Variants in SPATA13 observed in about 807,000 individuals in gnomAD.
The protein encoded by SPATA13 is spermatogenesis associated 13, also known as spermatogenesis-associated protein 13.
A neutral mutation model predicts 104.0 loss-of-function variants in SPATA13; 50 were observed. The observed-to-expected ratio is 0.48, with a 90% CI of 0.38 to 0.61. The LOEUF (loss-of-function observed/expected upper bound fraction) is 0.61. Among genes scored for constraint, SPATA13 ranks in the 20% least tolerant of loss-of-function variants. The probability of loss-of-function intolerance (pLI) is 0.00; values close to 1 mark genes in which losing one functional copy is unlikely to be tolerated. For missense variants in SPATA13, 1,524 were observed against 1,690.6 expected (o/e 0.90, Z 1.73); for synonymous variants, 606 against 667.5 (o/e 0.91, Z 1.42).
At chr13:24,255,172 T>G (rs1343287707) in intron 4 of SPATA13, among the ~76,000 whole-genome samples, 1 of 152,186 alleles carries the variant, frequency 6.6e-6, no homozygotes, top group Non-Finnish European at 1.5e-5. Flanking sequence ...TGCTTACATT[T>G]GCCGCCGGGA....
intron 3 of SPATA13, among the ~76,000 whole-genome samples, chr13:24,027,008 G>A (rs1024876384): frequency 2.0e-5 from 3 of 151,876 alleles, no homozygotes; most frequent in Admixed American, 2.0e-4. Context: ...TTCTAGAAAT[G>A]TGTACATTTT....
intron 12 of SPATA13, 34 bp downstream of exon 12, chr13:24,300,509 C>T: frequency 6.3e-7 from 1 of 1,591,958 alleles, no homozygotes; most frequent in Non-Finnish European, 8.6e-7. Flanking sequence ...CCCCTTAATG[C>T]TTATCAGTAT....
At chr13:24,052,035 G>T (rs1257498835) in intron 3 of SPATA13, among the ~76,000 whole-genome samples, 3 of 151,974 alleles carry the variant, frequency 2.0e-5, no homozygotes, top group Admixed American at 6.5e-5. Flanking sequence ...CTACCAGCTG[G>T]TGAGGAGTCC....
intron 3 of SPATA13, among the ~76,000 whole-genome samples, chr13:24,139,791 G>T (rs1320992576): frequency 1.3e-5 from 2 of 152,122 alleles, no homozygotes; most frequent in Non-Finnish European, 2.9e-5. Context: ...ATGCAGGCCG[G>T]GCGCGGTGGC....
At chr13:24,096,414 G>A (rs1232590954) in intron 3 of SPATA13, among the ~76,000 whole-genome samples, 2 of 152,008 alleles carry the variant, frequency 1.3e-5, no homozygotes, top group Admixed American at 1.3e-4. Context: ...TGGCCAACAT[G>A]GCAAAACCCT....
chr13:24,148,920 G>A (rs905102220), intron 3 of SPATA13, among the ~76,000 whole-genome samples: 3 of 150,418 alleles, frequency 2.0e-5, no homozygotes, highest in African/African-American at 7.5e-5. Flanking sequence ...ATGAGTGTTT[G>A]TTTATACCAG....
At chr13:24,106,087 G>T (rs1431976494) in intron 3 of SPATA13, among the ~76,000 whole-genome samples, 2 of 152,212 alleles carry the variant, frequency 1.3e-5, no homozygotes, top group Non-Finnish European at 1.5e-5. Flanking sequence ...AGGCTGGAGT[G>T]CAGTGGCACA....
rs1405885685 is a variant in SPATA13, at chr13:24,303,244, C to G, written c.*471C>G. On this transcript the variant is annotated 3_prime_UTR_variant, in exon 13 of 13. Transcript: ENST00000382108. Reference sequence around the variant, plus strand: ...ACACAATGCTGCACGTGTCTGGTCACACTTAGAAATTGAGCTCTTACTCTC... The same window carrying G: ...ACACAATGCTGCACGTGTCTGGTCAGACTTAGAAATTGAGCTCTTACTCTC... 2.3e-6 allele frequency: 1 copy of G among 429,662 alleles called. No homozygotes were observed. Among genetic ancestry groups the G allele is most frequent in the South Asian group, 1.7e-5 (1 of 59,564 alleles). The allele number at this position is 429,662 out of a possible 1,614,324, so 26.6% of individuals were successfully genotyped here.
intron 3 of SPATA13, among the ~76,000 whole-genome samples, chr13:24,075,766 C>T (rs1879304582): frequency 6.6e-6 from 1 of 152,102 alleles, no homozygotes; most frequent in Non-Finnish European, 1.5e-5. Flanking sequence ...AAAAAGTGGA[C>T]GGGAAGCACT....
chr13:24,240,994 G>GT (rs67102450), intron 2 of SPATA13, among the ~76,000 whole-genome samples: 39,648 of 151,880 alleles, frequency 0.26, 5,315 homozygotes, highest in Admixed American at 0.32. Flanking sequence ...TTCTTTTTTT[G>GT]TTTTTTGGAG....
At chr13:24,269,609 C>T (rs1361656141) in intron 4 of SPATA13, among the ~76,000 whole-genome samples, 1 of 151,960 alleles carries the variant, frequency 6.6e-6, no homozygotes, top group Non-Finnish European at 1.5e-5. Flanking sequence ...TATTCTGTCA[C>T]CGAGGCTGGA....
chr13:24,260,657 A>T (rs1008628469), intron 4 of SPATA13, among the ~76,000 whole-genome samples: 2 of 152,254 alleles, frequency 1.3e-5, no homozygotes, highest in African/African-American at 2.4e-5. Flanking sequence ...GTTAAAGAAA[A>T]TTCTATCAAA....
intron 3 of SPATA13, among the ~76,000 whole-genome samples, chr13:24,048,644 A>G (rs1438774970): frequency 1.3e-5 from 2 of 151,960 alleles, no homozygotes; most frequent in African/African-American, 4.8e-5. Flanking sequence ...AGTTCAGGAA[A>G]GTAGAGATTT....
At chr13:24,054,404 C>CTGGCAG (rs1878467141) in intron 3 of SPATA13, among the ~76,000 whole-genome samples, 1 of 152,234 alleles carries the variant, frequency 6.6e-6, no homozygotes. Context: ...AAGGCTACTA[C>CTGGCAG]TGGCAGTGGC....
At chr13:24,220,763 G>A (rs568997287) in intron 1 of SPATA13, among the ~76,000 whole-genome samples, 1 of 152,252 alleles carries the variant, frequency 6.6e-6, no homozygotes, top group African/African-American at 2.4e-5. Flanking sequence ...CCCTTGTCCC[G>A]GGTGGAATCA....
chr13:24,156,382 G>A (rs189591978), upstream of SPATA13, among the ~76,000 whole-genome samples: 20 of 152,194 alleles, frequency 1.3e-4, 1 homozygote, highest in African/African-American at 4.3e-4. Flanking sequence ...CCCTGTCTCC[G>A]AGCAGACAGG....
intron 3 of SPATA13, among the ~76,000 whole-genome samples, chr13:24,047,042 A>G (rs1117357): frequency 0.47 from 71,959 of 151,872 alleles, 18,704 homozygotes; most frequent in East Asian, 0.64. Flanking sequence ...AGGCTAGGGA[A>G]TGAGTGCTGC....
At chr13:24,017,658 C>A in intron 2 of SPATA13, 1 of 985,264 alleles carries the variant, frequency 1.0e-6, no homozygotes, top group Non-Finnish European at 1.2e-6. Flanking sequence ...TCATTTTTTT[C>A]CTTTCCAGAG....
chr13:24,260,231 T>TAATC (rs1354897737), intron 4 of SPATA13, among the ~76,000 whole-genome samples: 1 of 152,084 alleles, frequency 6.6e-6, no homozygotes, highest in African/African-American at 2.4e-5. Context: ...TGAAGGGAGT[T>TAATC]AGATTAAGTT....
Sources: allele counts gnomAD v4.1 joint callset (sites outside exome capture counted in the v4.1 genomes callset), GRCh38; gene constraint gnomAD v4.1.1; transcripts MANE v1.5; gene names NCBI Gene and HGNC (gene_info 2026-07-23, HGNC 2026-07-21).